Variants in ALDH1L2 observed in about 807,000 individuals in gnomAD.
ALDH1L2 encodes mitochondrial 10-formyltetrahydrofolate dehydrogenase.
ALDH1L2 carries 91 observed loss-of-function variants against 111.0 expected under a neutral mutation model. The ratio of observed to expected loss-of-function variants is 0.82; its 90% confidence interval spans 0.69 to 0.98. The LOEUF (loss-of-function observed/expected upper bound fraction) is 0.98. Ranked by LOEUF, ALDH1L2 falls within the 50% of genes least tolerant of loss-of-function variation. The pLI is 0.00. For missense variants in ALDH1L2, 995 were observed against 1,126.8 expected (o/e 0.88, Z 1.67); for synonymous variants, 374 against 392.6 (o/e 0.95, Z 0.56).
At chr12:105,054,433 T>C (rs543174886) in intron 10 of ALDH1L2, among the ~76,000 whole-genome samples, 34 of 152,360 alleles carry the variant, frequency 2.2e-4, no homozygotes, top group Non-Finnish European at 4.4e-4. Context: ...TCAAGAAGAA[T>C]AGCTGAATCA....
Position 105,019,808 on chromosome 12 carries a change from T to A in ALDH1L2, c.*4616A>T, listed in dbSNP as rs1489912268. On this transcript the variant is annotated 3_prime_UTR_variant, in exon 23 of 23. Coordinates refer to ENST00000258494, the MANE Select transcript of ALDH1L2 (RefSeq NM_001034173.4). ...ATTGAAATATGCAGAATTGTGTTTA[T>A]TGGCATAGATGCTTATGATATATTG... 1.3e-5 allele frequency: 2 copies of A among 152,242 alleles called. No individual in the cohort carries two copies. The highest frequency in any genetic ancestry group is 1.9e-4 in the East Asian group (1 of 5,208). The allele number at this position is 152,242 out of a possible 1,614,324, so 9.4% of individuals were successfully genotyped here. A position where few individuals can be genotyped will look rare whatever the true frequency, so the allele number is the denominator to read the frequency against.
chr12:105,077,245 G>A (rs989966849), intron 1 of ALDH1L2, among the ~76,000 whole-genome samples: 14 of 151,770 alleles, frequency 9.2e-5, no homozygotes, highest in Non-Finnish European at 1.8e-4. Context: ...TGGATGATAA[G>A]TTCTATAATC....
At chr12:105,059,981 C>T (rs531703498) in intron 9 of ALDH1L2, among the ~76,000 whole-genome samples, 10 of 152,312 alleles carry the variant, frequency 6.6e-5, no homozygotes, top group African/African-American at 2.4e-4. Context: ...AAGAAAAACA[C>T]CTCTGAAAGA....
At chr12:105,059,256 ACT>A (rs1346207020) in intron 9 of ALDH1L2, among the ~76,000 whole-genome samples, 1 of 145,454 alleles carries the variant, frequency 6.9e-6, no homozygotes, top group Non-Finnish European at 1.5e-5. Flanking sequence ...ACAGAGCGAG[ACT>A]CTGTCTCAAA....
At position 105,039,825 on chromosome 12, in the gene ALDH1L2, A is replaced by G. The variant is rs748003994; in HGVS notation, c.1952-19T>C. ...ATGCCACCTGTAGAATTAGGGAATA[A>G]AACGGGAATTAAAACATACTCAAGG... is the stretch of plus-strand genomic sequence containing the variant. On this transcript the variant is annotated intron_variant, in intron 16 of 22. Transcript: ENST00000258494. 1 of 1,612,082 alleles carries G rather than the reference A, an allele frequency of 6.2e-7. No individual in the cohort carries two copies. The highest frequency in any genetic ancestry group is 1.1e-5 in the South Asian group (1 of 91,038).
intron 13 of ALDH1L2, chr12:105,047,984 T>G (rs540626341): frequency 1.3e-5 from 2 of 152,368 alleles, no homozygotes; most frequent in East Asian, 3.9e-4. Context: ...GGTCAGGGTT[T>G]GGCATCAAAC....
At chr12:105,064,452 C>T (rs1276406548) in intron 6 of ALDH1L2, among the ~76,000 whole-genome samples, 1 of 152,128 alleles carries the variant, frequency 6.6e-6, no homozygotes, top group East Asian at 1.9e-4. Flanking sequence ...AACCATTACA[C>T]TAAACTCCCT....
In ALDH1L2 at chr12:105,036,514, T is replaced by TTA. The variant is rs1182802302; in HGVS notation, c.2145+1587_2145+1588dup. 5.2e-3 allele frequency among the ~76,000 whole-genome samples: 124 copies of TTA among 23,634 alleles called. 2 individuals carry two copies. Among genetic ancestry groups the TTA allele is most frequent in the Non-Finnish European group, 6.9e-3 (76 of 11,050 alleles). The allele number at this position is 23,634 out of a possible 152,430, so 15.5% of individuals were successfully genotyped here. A position where few individuals can be genotyped will look rare whatever the true frequency, so the allele number is the denominator to read the frequency against. On this transcript the variant is annotated intron_variant, in intron 18 of 22. Transcript: ENST00000258494. ...ATATTTATATATGTATATATATATT[T>TTA]TATATATATATATATATATATATAT... is the stretch of plus-strand genomic sequence containing the variant.
At chr12:105,035,097 C>T (rs11112322) in intron 18 of ALDH1L2, among the ~76,000 whole-genome samples, 34,035 of 152,114 alleles carry the variant, frequency 0.22, 4,744 homozygotes, top group South Asian at 0.45. Context: ...TACAGGTGTG[C>T]ACCACCTTAC....
chr12:105,072,298 A>G (rs1877785328), intron 2 of ALDH1L2: 1 of 150,648 alleles, frequency 6.6e-6, no homozygotes, highest in Admixed American at 6.6e-5. Context: ...CAATTTCCAG[A>G]AGTCTTAACT....
chr12:105,072,319 A>C (rs917059159), intron 2 of ALDH1L2: 1 of 151,328 alleles, frequency 6.6e-6, no homozygotes, highest in African/African-American at 2.4e-5. Context: ...AAAGCTTTCT[A>C]TCTGCATTTT....
chr12:105,029,306 G>T (rs1266850255), intron 21 of ALDH1L2, among the ~76,000 whole-genome samples: 1 of 152,176 alleles, frequency 6.6e-6, no homozygotes, highest in South Asian at 2.1e-4. Flanking sequence ...GGGATTACAG[G>T]CATGAGGTGC....
In ALDH1L2 at chr12:105,034,349, C is replaced by G; in HGVS notation, c.2195G>C (p.Gly732Ala). The G allele has an allele frequency of 6.2e-7, 1 of 1,613,522 alleles. No homozygotes were observed. The highest frequency in any genetic ancestry group is 8.5e-7 in the Non-Finnish European group (1 of 1,179,800). The change falls in exon 19 of 23, where the codon GGG (glycine) becomes GCG (alanine). Residue 732 changes from glycine to alanine, a missense_variant. Gly to Ala is a moderately conservative substitution (Grantham distance 60, BLOSUM62 0). Coordinates refer to ENST00000258494, the MANE Select transcript of ALDH1L2 (RefSeq NM_001034173.4). ...GATGGATTCTTCCACGAACAACCGC[C>G]CAGCAGCAATACAGTTCTCTCCTTT... ...FNKGENCIAAGRLFVEESIHD... is the reference protein window; with the variant it reads ...FNKGENCIAAARLFVEESIHD...
Position 105,064,114 on chromosome 12 carries a change from C to CTTTTTTTTTTTT in ALDH1L2, c.787-1104_787-1093dup, listed in dbSNP as rs71069786. ...TACAGGCACATGCCACCACACCGAG[C>CTTTTTTTTTTTT]TTTTTTTTTTTTTTTTTTTTTTTTT... On this transcript the variant is annotated intron_variant, in intron 6 of 22. Coordinates refer to ENST00000258494, the MANE Select transcript of ALDH1L2 (RefSeq NM_001034173.4). 6.8e-4 allele frequency among the ~76,000 whole-genome samples: 24 copies of CTTTTTTTTTTTT among 35,126 alleles called. 4 individuals are homozygous for CTTTTTTTTTTTT. The highest frequency in any genetic ancestry group is 1.1e-3 in the African/African-American group (10 of 9,292). 23.0% of individuals were successfully genotyped at this position (35,126 alleles called of 152,430 possible).
At chr12:105,036,426 A>G (rs185988249) in intron 18 of ALDH1L2, among the ~76,000 whole-genome samples, 1 of 43,238 alleles carries the variant, frequency 2.3e-5, no homozygotes, top group African/African-American at 1.4e-4. Context: ...ATATTTATAT[A>G]TGTGTATATA....
intron 18 of ALDH1L2, among the ~76,000 whole-genome samples, chr12:105,035,148 G>C (rs923829482): frequency 6.6e-6 from 1 of 152,002 alleles, no homozygotes; most frequent in African/African-American, 2.4e-5. Flanking sequence ...TAGAGACAGG[G>C]TCTCACTATG....
At chr12:105,036,695 A>C (rs1387886240) in intron 18 of ALDH1L2, among the ~76,000 whole-genome samples, 5 of 150,486 alleles carry the variant, frequency 3.3e-5, no homozygotes, top group Non-Finnish European at 7.4e-5. Context: ...CCCATCTCGA[A>C]AACAAAGTAT....
chr12:105,079,735 AAAAG>A (rs1878246571), intron 1 of ALDH1L2, among the ~76,000 whole-genome samples: 1 of 41,488 alleles, frequency 2.4e-5, no homozygotes, highest in Admixed American at 3.4e-4. Context: ...GCTCCTTACG[AAAAG>A]AAAAGATCAC....
At chr12:105,081,195 T>A (rs1470983729) in intron 1 of ALDH1L2, among the ~76,000 whole-genome samples, 1 of 152,198 alleles carries the variant, frequency 6.6e-6, no homozygotes, top group African/African-American at 2.4e-5. Context: ...CCCCTATGAA[T>A]ACAAGGGACA....
Sources: gnomAD v4.1 joint callset for allele counts (sites outside exome capture counted in the v4.1 genomes callset) on GRCh38, gnomAD v4.1.1 for gene constraint, MANE v1.5 for transcripts, NCBI Gene and HGNC (gene_info 2026-07-23, HGNC 2026-07-21) for gene names.